HCRTR2: variants seen among roughly 807,000 people sequenced by gnomAD.
HCRTR2 encodes orexin receptor type 2.
Under a neutral mutation model 49.0 loss-of-function variants are expected in HCRTR2, and 22 were observed. The observed-to-expected ratio is 0.45, with a 90% confidence interval of 0.32 to 0.64. HCRTR2 has a LOEUF of 0.64. HCRTR2 is among the 30% of genes least tolerant of loss of function. The probability of loss-of-function intolerance (pLI) is 0.04; values close to 1 mark genes in which losing one functional copy is unlikely to be tolerated. For missense variants in HCRTR2, 491 were observed against 559.4 expected (o/e 0.88, Z 1.23); for synonymous variants, 236 against 205.3 (o/e 1.15, Z -1.28).
chr6:55,130,600 C>T (rs1379494426), intron 1 of HCRTR2, among the ~76,000 whole-genome samples: 1 of 151,784 alleles, frequency 6.6e-6, no homozygotes, highest in African/African-American at 2.4e-5. Context: ...TGGTATCAAT[C>T]CTCTACTTAC....
At chr6:55,223,249 T>A (rs1223089826) in intron 1 of HCRTR2, among the ~76,000 whole-genome samples, 1 of 152,150 alleles carries the variant, frequency 6.6e-6, no homozygotes, top group African/African-American at 2.4e-5. Flanking sequence ...TGCAGCTGTA[T>A]CTATGTGATG....
chr6:55,180,719 T>C (rs926124573), intron 1 of HCRTR2, among the ~76,000 whole-genome samples: 1 of 152,228 alleles, frequency 6.6e-6, no homozygotes, highest in Non-Finnish European at 1.5e-5. Context: ...TTTATTTTTC[T>C]TTTTGTCATG....
chr6:55,283,897 CT>C (rs1192288492), downstream of HCRTR2, among the ~76,000 whole-genome samples: 2 of 152,066 alleles, frequency 1.3e-5, no homozygotes, highest in Admixed American at 6.6e-5. Context: ...TACCTTGTGC[CT>C]TTTATGACTC....
chr6:55,189,696 A>G (rs1048456407), intron 1 of HCRTR2, among the ~76,000 whole-genome samples: 1 of 152,122 alleles, frequency 6.6e-6, no homozygotes, highest in Non-Finnish European at 1.5e-5. Flanking sequence ...GGGACTTAAT[A>G]CCTAGGTGAT....
At chr6:55,256,590 T>G (rs997431963) in intron 3 of HCRTR2, among the ~76,000 whole-genome samples, 3 of 152,132 alleles carry the variant, frequency 2.0e-5, no homozygotes, top group Non-Finnish European at 4.4e-5. Flanking sequence ...AATATCTGTC[T>G]TTTATTGGGA....
At chr6:55,187,278 T>G (rs1765232785) in intron 1 of HCRTR2, among the ~76,000 whole-genome samples, 1 of 151,790 alleles carries the variant, frequency 6.6e-6, no homozygotes. Flanking sequence ...CTGGGCTTGG[T>G]GGCATGCGCC....
At chr6:55,167,671 T>C (rs1476316764) in intron 1 of HCRTR2, among the ~76,000 whole-genome samples, 1 of 152,112 alleles carries the variant, frequency 6.6e-6, no homozygotes. Flanking sequence ...TTGCTCCTAC[T>C]CTTTCCTTCC....
intron 1 of HCRTR2, among the ~76,000 whole-genome samples, chr6:55,223,963 T>A (rs1052863000): frequency 2.6e-5 from 4 of 152,198 alleles, no homozygotes; most frequent in African/African-American, 9.6e-5. Context: ...GTTGGATAAA[T>A]GTGTATTTCT....
chr6:55,193,283 G>T lies in HCRTR2; in HGVS notation c.223+18473G>T, dbSNP rs374814100. Among the ~76,000 whole-genome samples, 108 of 152,158 alleles carry T rather than the reference G, an allele frequency of 7.1e-4. 3 individuals carry two copies. The South Asian group carries it at 0.017, about 24-fold the overall frequency. ...ACAGTGTAGTGTTTACTACTAAAGA[G>T]ATATAAACAGAGTACTGTGGTCTAA... On this transcript the variant is annotated intron_variant, in intron 1 of 6. Coordinates refer to ENST00000370862, the MANE Select transcript of HCRTR2 (RefSeq NM_001384272.1).
At chr6:55,239,481 A>C (rs767025739) in intron 1 of HCRTR2, among the ~76,000 whole-genome samples, 5 of 152,196 alleles carry the variant, frequency 3.3e-5, no homozygotes, top group Admixed American at 2.0e-4. Context: ...GCATTCCTCT[A>C]TGCATTTTCT....
At chr6:55,220,252 A>C (rs980101209) in intron 1 of HCRTR2, among the ~76,000 whole-genome samples, 4 of 152,172 alleles carry the variant, frequency 2.6e-5, no homozygotes, top group Non-Finnish European at 5.9e-5. Flanking sequence ...GAACACACAC[A>C]CTTTCAAACA....
At chr6:55,205,897 C>G (rs1373755084) in intron 1 of HCRTR2, among the ~76,000 whole-genome samples, 1 of 151,962 alleles carries the variant, frequency 6.6e-6, no homozygotes, top group African/African-American at 2.4e-5. Flanking sequence ...TTTTTACACC[C>G]TTATTATAAT....
chr6:55,179,930 A>G (rs79296118), intron 1 of HCRTR2, among the ~76,000 whole-genome samples: 2,104 of 152,284 alleles, frequency 0.014, 50 homozygotes, highest in African/African-American at 0.048. Flanking sequence ...AGATCCTTCC[A>G]TGTTTCTTCT....
chr6:55,273,424 A>T (rs1375964873), intron 4 of HCRTR2, among the ~76,000 whole-genome samples: 1 of 152,032 alleles, frequency 6.6e-6, no homozygotes, highest in East Asian at 1.9e-4. Flanking sequence ...AATAAGCATC[A>T]TCCAAACTCT....
In HCRTR2 at chr6:55,244,228, A is replaced by G. The variant is rs148966864; in HGVS notation, c.224-4411A>G. 3.0e-3 allele frequency among the ~76,000 whole-genome samples: 456 copies of G among 152,180 alleles called. 3 individuals are homozygous for G. Among genetic ancestry groups the G allele is most frequent in the Admixed American group, 5.1e-3 (78 of 15,302 alleles). ...GAAAAGAGAGCTCTCATTGAAATGG[A>G]AGAGTTAATACAACAAGACATTGTG... On this transcript the variant is annotated intron_variant, in intron 1 of 6. Coordinates refer to ENST00000370862, the MANE Select transcript of HCRTR2 (RefSeq NM_001384272.1).
intron 1 of HCRTR2, among the ~76,000 whole-genome samples, chr6:55,176,135 C>T (rs1277052694): frequency 6.6e-6 from 1 of 152,082 alleles, no homozygotes; most frequent in Non-Finnish European, 1.5e-5. Flanking sequence ...GAAATCATCC[C>T]GAGTAGTCTC....
At chr6:55,246,401 C>G (rs990288470) in intron 1 of HCRTR2, among the ~76,000 whole-genome samples, 1 of 151,878 alleles carries the variant, frequency 6.6e-6, no homozygotes, top group Admixed American at 6.6e-5. Context: ...AAAGCCACTG[C>G]AAAATGAACT....
intron 1 of HCRTR2, chr6:55,106,681 T>C (rs529717657): frequency 7.2e-5 from 11 of 152,148 alleles, no homozygotes; most frequent in Non-Finnish European, 1.5e-4. Context: ...ATTTATTAAA[T>C]ATTTTGCCAC....
chr6:55,144,541 ATACCAGAAAGAGGAAAAG>A (rs1376575614), intron 1 of HCRTR2, among the ~76,000 whole-genome samples: 2 of 152,146 alleles, frequency 1.3e-5, no homozygotes, highest in Admixed American at 6.5e-5. Flanking sequence ...ATTTTCCTAA[ATACCAGAAAGAGGAAAAG>A]CTGGGGTTTG....
Sources: allele counts gnomAD v4.1 joint callset (sites outside exome capture counted in the v4.1 genomes callset), GRCh38; gene constraint gnomAD v4.1.1; transcripts MANE v1.5; gene names NCBI Gene and HGNC (gene_info 2026-07-23, HGNC 2026-07-21).